Variants in NEDD4L observed in about 807,000 individuals in gnomAD.
The protein encoded by NEDD4L is NEDD4 like E3 ubiquitin protein ligase.
In NEDD4L, 54 loss-of-function variants were observed where a neutral mutation model predicts 148.9. The observed-to-expected ratio is 0.36, with a 90% CI of 0.29 to 0.45. The LOEUF (loss-of-function observed/expected upper bound fraction) is 0.45. Ranked by LOEUF, NEDD4L falls within the 20% of genes least tolerant of loss-of-function variation. NEDD4L has a pLI of 1.00. For missense variants in NEDD4L, 856 were observed against 1,233.8 expected (o/e 0.69, Z 4.59); for synonymous variants, 433 against 440.7 (o/e 0.98, Z 0.22).
intron 30 of NEDD4L, among the ~76,000 whole-genome samples, chr18:58,392,551 T>C (rs1488311622): frequency 6.6e-6 from 1 of 152,152 alleles, no homozygotes; most frequent in Non-Finnish European, 1.5e-5. Flanking sequence ...TTTTTTCTAT[T>C]CGTACCATTC....
At chr18:58,299,024 A>G (rs2056090111) in intron 5 of NEDD4L, among the ~76,000 whole-genome samples, 1 of 152,198 alleles carries the variant, frequency 6.6e-6, no homozygotes, top group African/African-American at 2.4e-5. Flanking sequence ...TCACTCCTCA[A>G]CTAGAATATG....
At chr18:58,151,533 G>A (rs892377649) in intron 1 of NEDD4L, among the ~76,000 whole-genome samples, 5 of 152,054 alleles carry the variant, frequency 3.3e-5, no homozygotes, top group African/African-American at 1.2e-4. Flanking sequence ...AAAGATGAAA[G>A]TGAGAGCCCA....
chr18:58,154,778 G>T (rs923249276), intron 1 of NEDD4L, among the ~76,000 whole-genome samples: 2 of 152,196 alleles, frequency 1.3e-5, no homozygotes, highest in Non-Finnish European at 2.9e-5. Flanking sequence ...ACAAGAGTGA[G>T]ACTTCGTCTC....
chr18:58,107,416 A>G (rs1281987676), intron 1 of NEDD4L, among the ~76,000 whole-genome samples: 1 of 152,062 alleles, frequency 6.6e-6, no homozygotes, highest in Non-Finnish European at 1.5e-5. Context: ...GGTCTGGGTG[A>G]TTTTTGAAAA....
intron 18 of NEDD4L, among the ~76,000 whole-genome samples, chr18:58,355,056 A>G (rs953239233): frequency 1.3e-5 from 2 of 152,220 alleles, no homozygotes; most frequent in African/African-American, 4.8e-5. Flanking sequence ...ACTCGGGCTC[A>G]AGCCACAGGC....
At chr18:58,330,970 T>C in intron 11 of NEDD4L, 56 bp downstream of exon 11, 1 of 1,560,034 alleles carries the variant, frequency 6.4e-7, no homozygotes, top group Non-Finnish European at 8.8e-7. Flanking sequence ...TGTTTTTTGT[T>C]GCTTAAGGAG....
intron 1 of NEDD4L, among the ~76,000 whole-genome samples, chr18:58,145,541 G>A (rs1237589993): frequency 2.6e-5 from 4 of 152,058 alleles, no homozygotes; most frequent in Non-Finnish European, 4.4e-5. Context: ...CTTTACCCTA[G>A]CTGATTGACA....
intron 1 of NEDD4L, among the ~76,000 whole-genome samples, chr18:58,084,647 T>A (rs1489606539): frequency 6.7e-6 from 1 of 149,824 alleles, no homozygotes; most frequent in Non-Finnish European, 1.5e-5. Flanking sequence ...CCTGGCCACC[T>A]TCTCACTATA....
At chr18:58,060,466 T>C (rs1044899124) in intron 1 of NEDD4L, among the ~76,000 whole-genome samples, 1 of 152,060 alleles carries the variant, frequency 6.6e-6, no homozygotes, top group African/African-American at 2.4e-5. Flanking sequence ...TGGATTTGAG[T>C]TGGACAACCC....
intron 2 of NEDD4L, among the ~76,000 whole-genome samples, chr18:58,177,815 A>G (rs1260582019): frequency 6.6e-6 from 1 of 152,224 alleles, no homozygotes; most frequent in African/African-American, 2.4e-5. Flanking sequence ...TTATAAAATT[A>G]TTGAATAATT....
chr18:58,191,125 A>G (rs977290896), intron 2 of NEDD4L, among the ~76,000 whole-genome samples: 3 of 152,214 alleles, frequency 2.0e-5, no homozygotes, highest in African/African-American at 7.2e-5. Context: ...TAAAAGTATA[A>G]TATTTTAAGA....
chr18:58,052,511 G>T (rs960417605), intron 1 of NEDD4L, among the ~76,000 whole-genome samples: 7 of 152,128 alleles, frequency 4.6e-5, no homozygotes, highest in Admixed American at 2.6e-4. Flanking sequence ...AAATGTCAAG[G>T]CTCTCAGATT....
intron 24 of NEDD4L, among the ~76,000 whole-genome samples, chr18:58,379,562 G>A (rs1379248519): frequency 1.3e-5 from 2 of 152,264 alleles, no homozygotes; most frequent in South Asian, 2.1e-4. Flanking sequence ...GCCTGGAGGC[G>A]AGCATTAGAG....
intron 2 of NEDD4L, among the ~76,000 whole-genome samples, chr18:58,216,478 A>C (rs2147840326): frequency 1.3e-5 from 2 of 152,274 alleles, no homozygotes; most frequent in Middle Eastern, 6.8e-3. Flanking sequence ...CAGAGGCCTG[A>C]GTGAGAGAGG....
chr18:58,384,112 A>G (rs893377054), intron 25 of NEDD4L, among the ~76,000 whole-genome samples: 25 of 152,156 alleles, frequency 1.6e-4, no homozygotes, highest in African/African-American at 5.8e-4. Flanking sequence ...TCAACAGGCT[A>G]GGCTCCCTCC....
At chr18:58,156,835 C>T (rs562016739) in intron 1 of NEDD4L, among the ~76,000 whole-genome samples, 1 of 152,278 alleles carries the variant, frequency 6.6e-6, no homozygotes, top group East Asian at 1.9e-4. Flanking sequence ...CCACCTCCTC[C>T]TCCTTCCCAT....
chr18:58,176,861 G>A (rs1404954353), intron 2 of NEDD4L, among the ~76,000 whole-genome samples: 1 of 152,214 alleles, frequency 6.6e-6, no homozygotes, highest in Non-Finnish European at 1.5e-5. Flanking sequence ...AGTCTGTAGG[G>A]CAGAGAATCT....
At chr18:58,379,328 C>T (rs60408324) in intron 24 of NEDD4L, among the ~76,000 whole-genome samples, 123 of 152,350 alleles carry the variant, frequency 8.1e-4, no homozygotes, top group African/African-American at 2.8e-3. Flanking sequence ...AGGAGATGCG[C>T]AGGGCAGAGA....
intron 2 of NEDD4L, among the ~76,000 whole-genome samples, chr18:58,218,914 A>G (rs1179569718): frequency 6.6e-6 from 1 of 152,194 alleles, no homozygotes; most frequent in Non-Finnish European, 1.5e-5. Context: ...TTGTGAAGGC[A>G]GTGGTGGTAA....
Sources: allele counts gnomAD v4.1 joint callset (sites outside exome capture counted in the v4.1 genomes callset), GRCh38; gene constraint gnomAD v4.1.1; transcripts MANE v1.5; gene names NCBI Gene and HGNC (gene_info 2026-07-23, HGNC 2026-07-21).